ZNF334: variants seen among roughly 807,000 people sequenced by gnomAD.
ZNF334 encodes the protein zinc finger protein 334.
ZNF334 carries 14 observed loss-of-function variants against 12.4 expected under a neutral mutation model. That is an observed-to-expected ratio of 1.13 (90% confidence interval 0.74 to 1.76). The LOEUF is 1.76. Ranked by LOEUF, ZNF334 falls within the 40% of genes most tolerant of loss-of-function variation. The probability of loss-of-function intolerance (pLI) is 0.00; values close to 1 mark genes in which losing one functional copy is unlikely to be tolerated. For synonymous variants in ZNF334, 273 were observed against 269.6 expected, an observed-to-expected ratio of 1.01 and a Z score of -0.12; for missense variants, 797 against 804.5, an observed-to-expected ratio of 0.99 and a Z score of 0.11.
At chr20:46,478,345 G>C in the ZNF334 span, among the ~76,000 whole-genome samples, 2 of 152,188 alleles carry the variant, frequency 1.3e-5, no homozygotes, top group Non-Finnish European at 2.9e-5. Flanking sequence ...TGGAAGGCAA[G>C]GGCTTCCAGG....
intron 2 of ZNF334, chr20:46,509,456 A>C (rs985964538): frequency 3.0e-5 from 20 of 659,554 alleles, no homozygotes; most frequent in Non-Finnish European, 5.6e-5. Flanking sequence ...AACTCACTAC[A>C]AGCCCCAAAG....
chr20:46,474,729 G>A, the ZNF334 span: 1 of 152,248 alleles, frequency 6.6e-6, no homozygotes, highest in South Asian at 2.1e-4. Flanking sequence ...TGTAAAGTAT[G>A]TGAAGTATAA....
chr20:46,495,987 G>A (rs1431641429), downstream of ZNF334, among the ~76,000 whole-genome samples: 2 of 152,162 alleles, frequency 1.3e-5, no homozygotes, highest in East Asian at 3.9e-4. Flanking sequence ...TCTGCATGAT[G>A]CTTCTATGGC....
At chr20:46,509,573 A>C (rs907297747) in intron 2 of ZNF334, 10 of 702,910 alleles carry the variant, frequency 1.4e-5, no homozygotes, top group African/African-American at 1.4e-4. Context: ...AGTGCACAGA[A>C]TAGAGAAAGG....
intron 2 of ZNF334, 132 bp downstream of exon 2, chr20:46,511,950 T>C: frequency 2.4e-6 from 2 of 829,942 alleles, no homozygotes; most frequent in Non-Finnish European, 4.0e-6. Context: ...TATATCTATG[T>C]CCACTTTTCC....
the ZNF334 span, among the ~76,000 whole-genome samples, chr20:46,474,939 T>A: frequency 6.6e-6 from 1 of 151,524 alleles, no homozygotes; most frequent in African/African-American, 2.4e-5. Context: ...GAAGAGGGGG[T>A]GAAGGGACAG....
At chr20:46,498,479 AG>A (rs1434635563), downstream of ZNF334, among the ~76,000 whole-genome samples, 4 of 152,164 alleles carry the variant, frequency 2.6e-5, no homozygotes, top group Non-Finnish European at 1.5e-5. Context: ...TGGATCTTTC[AG>A]CCCCGTCAAG....
In ZNF334 at chr20:46,501,503, C is replaced by T. The variant is rs2061164229; in HGVS notation, c.1836G>A (p.Lys612=). The change falls in exon 5 of 5, where the codon AAG becomes AAA. Residue 612 remains lysine (K), a synonymous_variant. Coordinates refer to ENST00000692313, the MANE Select transcript of ZNF334 (RefSeq NM_001353824.2). ...CNECGKSFCH[K]SAFRVHRRIH... ...TTCTTCTATGGACTCTGAAGGCTGA[C>T]TTATGGCAGAAGGATTTCCCACATT... The T allele has an allele frequency of 1.9e-6, 3 of 1,614,128 alleles. No homozygotes were observed. The highest frequency in any genetic ancestry group is 2.5e-6 in the Non-Finnish European group (3 of 1,180,000).
At chr20:46,464,587 T>C in the ZNF334 span, 41 of 412,044 alleles carry the variant, frequency 1.0e-4, no homozygotes, top group African/African-American at 7.2e-4. Context: ...GCAGCATCCA[T>C]TGGAGGTAGG....
At position 46,504,263 on chromosome 20, in the gene ZNF334, TTGC is replaced by T. The variant is rs746346826; in HGVS notation, c.189_191del (p.Gln64del). 1.2e-6 allele frequency: 2 copies of T among 1,613,978 alleles called. No homozygotes were observed. The highest frequency in any genetic ancestry group is 2.2e-5 in the South Asian group (2 of 91,052). On this transcript the variant is annotated inframe_deletion, in exon 4 of 5. Transcript: ENST00000692313. ...CCTCCACTATCCATGGCTCTTCTCCTTGCTCCAATTTGAAAATCACATCTGGTT... is the reference window on the plus strand; with the variant it reads ...CCTCCACTATCCATGGCTCTTCTCCTTCCAATTTGAAAATCACATCTGGTT...
At chr20:46,504,426 A>G in intron 3 of ZNF334, 120 bp from the exon 4 acceptor site, 1 of 1,136,974 alleles carries the variant, frequency 8.8e-7, no homozygotes, top group South Asian at 1.5e-5. Flanking sequence ...AGCTCAGTAA[A>G]GCTAGAACAT....
chr20:46,475,409 G>T, the ZNF334 span, among the ~76,000 whole-genome samples: 1 of 152,000 alleles, frequency 6.6e-6, no homozygotes, highest in African/African-American at 2.4e-5. Flanking sequence ...CATAAAAGAA[G>T]ATATTTATAA....
At chr20:46,472,102 A>G in the ZNF334 span, among the ~76,000 whole-genome samples, 1 of 152,182 alleles carries the variant, frequency 6.6e-6, no homozygotes, top group Non-Finnish European at 1.5e-5. Flanking sequence ...AAGCCCTCCA[A>G]GTGTCCACTC....
chr20:46,505,646 C>T (rs186904591), intron 2 of ZNF334: 7 of 153,858 alleles, frequency 4.5e-5, no homozygotes, highest in African/African-American at 1.7e-4. Context: ...AAACTTCAGT[C>T]CGTGGGCAAA....
At chr20:46,498,517 A>G (rs2061062053), downstream of ZNF334, among the ~76,000 whole-genome samples, 1 of 152,216 alleles carries the variant, frequency 6.6e-6, no homozygotes, top group Non-Finnish European at 1.5e-5. Context: ...TCCCTGGTCA[A>G]CATCTTGACA....
At chr20:46,504,093 C>G (rs963477328) in intron 4 of ZNF334, 121 bp downstream of exon 4, 1 of 591,776 alleles carries the variant, frequency 1.7e-6, no homozygotes, top group Non-Finnish European at 2.9e-6. Context: ...TCAATCACTT[C>G]TAAAGGTCTG....
In ZNF334 at chr20:46,502,980, A is replaced by C; in HGVS notation, c.359T>G (p.Leu120Arg). 1 of 1,614,066 alleles carries C rather than the reference A, an allele frequency of 6.2e-7. No individual in the cohort carries two copies. The highest frequency in any genetic ancestry group is 2.2e-5 in the East Asian group (1 of 44,828). Reference protein sequence around the residue: ...TERENVFGKTLNLGMNSVPSR... With the variant: ...TERENVFGKTRNLGMNSVPSR... The stretch of plus-strand genomic sequence containing the variant: ...GGGAACACTATTCATGCCCAGATTA[A>C]GTGTTTTCCCAAATACATTCTCTCT... The change falls in exon 5 of 5, where the codon CTT becomes CGT. Residue 120 changes from leucine to arginine, a missense_variant. Transcript: ENST00000692313.
intron 2 of ZNF334, among the ~76,000 whole-genome samples, chr20:46,511,734 T>C (rs929857532): frequency 3.3e-5 from 5 of 152,212 alleles, no homozygotes; most frequent in East Asian, 1.9e-4. Flanking sequence ...TGCCTGGGTA[T>C]AGAAGTCACA....
the ZNF334 span, among the ~76,000 whole-genome samples, chr20:46,480,480 C>T: frequency 6.6e-6 from 1 of 152,042 alleles, no homozygotes; most frequent in Non-Finnish European, 1.5e-5. Flanking sequence ...CAGGTGAGGC[C>T]CCTTATCTCA....
Sources: allele counts gnomAD v4.1 joint callset (sites outside exome capture counted in the v4.1 genomes callset), GRCh38; gene constraint gnomAD v4.1.1; transcripts MANE v1.5; gene names NCBI Gene and HGNC (gene_info 2026-07-23, HGNC 2026-07-21).